HCFC1: variants seen among roughly 807,000 people sequenced by gnomAD.
HCFC1 encodes the protein host cell factor C1.
A neutral mutation model predicts 105.5 loss-of-function variants in HCFC1; 7 were observed. That is an observed-to-expected ratio of 0.07 (90% CI 0.04 to 0.12). The LOEUF is 0.12. HCFC1 is among the 10% of genes least tolerant of loss of function. HCFC1 has a pLI of 1.00. For missense variants in HCFC1, 1,065 were observed against 1,823.6 expected (o/e 0.58, Z 7.58); for synonymous variants, 918 against 828.1 (o/e 1.11, Z -1.86).
At chrX:153,957,215 G>A in intron 13 of HCFC1, 99 bp downstream of exon 13, 2 of 980,796 alleles carry the variant, frequency 2.0e-6, no homozygotes, top group South Asian at 2.2e-5. Flanking sequence ...AGATAGAAAA[G>A]GGTAAACTAA....
At chrX:153,968,612 A>T (rs2065494816) in intron 1 of HCFC1, among the ~76,000 whole-genome samples, 1 of 112,493 alleles carries the variant, frequency 8.9e-6, no homozygotes, top group Non-Finnish European at 1.9e-5. Flanking sequence ...CTAATGCACA[A>T]CCTGTCTTTG....
chrX:153,969,680 G>A (rs1319829198), intron 1 of HCFC1: 2 of 113,080 alleles, frequency 1.8e-5, no homozygotes, highest in African/African-American at 6.4e-5. Context: ...AAGGCTACTA[G>A]GCAGAGGCAA....
intron 1 of HCFC1, among the ~76,000 whole-genome samples, chrX:153,969,120 T>TG (rs1452829906): frequency 9.0e-6 from 1 of 111,113 alleles, no homozygotes; most frequent in Admixed American, 9.4e-5. Context: ...CTTTCTGCCT[T>TG]GGGGGGTGGG....
In HCFC1 at chrX:153,948,811, G is replaced by A. The variant is rs1248617939; in HGVS notation, c.*536C>T. 8.9e-6 allele frequency: 1 copy of A among 112,510 alleles called. No individual in the cohort carries two copies. The highest frequency in any genetic ancestry group is 1.9e-5 in the Non-Finnish European group (1 of 53,248). 9.3% of individuals were successfully genotyped at this position (112,510 alleles called of 1,213,427 possible). Reference sequence around the variant, plus strand: ...GGAGCACAAAGGCCTCTGAGAAAATGTGTAAGCTTCCTGTGGGGTCACTGA... The same window carrying A: ...GGAGCACAAAGGCCTCTGAGAAAATATGTAAGCTTCCTGTGGGGTCACTGA... On this transcript the variant is annotated 3_prime_UTR_variant, in exon 26 of 26. Transcript: ENST00000310441.
intron 10 of HCFC1, 67 bp from the exon 11 acceptor site, chrX:153,958,316 C>T: frequency 2.3e-6 from 2 of 888,417 alleles, no homozygotes; most frequent in Non-Finnish European, 3.2e-6. Context: ...CCAAGATGTC[C>T]ACGGTGGGCC....
At position 153,954,135 on chromosome X, in the gene HCFC1, A is replaced by G; in HGVS notation, c.4264T>C (p.Cys1422Arg). ...GTGGTGCCCGTCTCGTGGGTCTCAC[A>G]GGGGGGGTTGGAGCACACCCTCTGT... Reference protein sequence around the residue: ...PTQRVCSNPPCETHETGTTHT... With the variant: ...PTQRVCSNPPRETHETGTTHT... Residue 1422 changes from cysteine (C) to arginine (R), a missense_variant, in exon 17 of 26, where the codon TGT becomes CGT. Physicochemically the swap from Cys to Arg is radical, Grantham distance 180. This residue lies in a region of HCFC1 where 546 missense variants were observed against 599.9 expected (regional missense o/e 0.91). Coordinates refer to ENST00000310441, the MANE Select transcript of HCFC1 (RefSeq NM_005334.3). 5 of 1,209,428 alleles carry G rather than the reference A, an allele frequency of 4.1e-6. No homozygotes were observed. Among genetic ancestry groups the G allele is most frequent in the Non-Finnish European group, 5.6e-6 (5 of 894,373 alleles).
rs373909700 is a variant in HCFC1 at position 153,958,063 on chromosome X, C to G, written c.1990G>C (p.Val664Leu). The change falls in exon 11 of 26, where the codon GTG (valine) becomes CTG (leucine). Residue 664 changes from valine (V) to leucine (L), a missense_variant. This residue lies in a region of HCFC1 where 137 missense variants were observed against 378.2 expected (regional missense o/e 0.36). Transcript: ENST00000310441. ...CCTGGGACAGAGATGGGGCTCTTCA[C>G]CAGGGTGATGGTCTTGGTGACCCCG... ...VGGVTKTITL[V>L]KSPISVPGGS... 4 of 1,211,873 alleles carry G rather than the reference C, an allele frequency of 3.3e-6. No individual in the cohort carries two copies. The highest frequency in any genetic ancestry group is 1.1e-6 in the Non-Finnish European group (1 of 895,377).
intron 22 of HCFC1, 140 bp downstream of exon 22, chrX:153,951,210 G>A: frequency 2.7e-6 from 2 of 729,081 alleles, no homozygotes; most frequent in Admixed American, 2.5e-5. Context: ...GCTTCAGGGG[G>A]GATGGTCTCT....
In HCFC1 at chrX:153,956,340, T is replaced by C; in HGVS notation, c.2707A>G (p.Ser903Gly). The C allele has an allele frequency of 8.3e-7, 1 of 1,212,013 alleles. No homozygotes were observed. The highest frequency in any genetic ancestry group is 1.1e-6 in the Non-Finnish European group (1 of 895,395). ...GTGATGGGCGTGGCCAGGGAAGCAC[T>C]AGTGCTGTGGCCCCCCGCCCCGGCA... ...SLAGAGGHST[S>G]ASLATPITTL... Residue 903 changes from serine (S) to glycine (G), a missense_variant, in exon 16 of 26, where the codon AGT becomes GGT. This residue lies in a region of HCFC1 where 137 missense variants were observed against 378.2 expected (regional missense o/e 0.36). Transcript: ENST00000310441.
At chrX:153,959,518 G>A (rs1557116127) in intron 8 of HCFC1, 27 bp from the exon 9 acceptor site, 1 of 1,207,457 alleles carries the variant, frequency 8.3e-7, no homozygotes, top group Middle Eastern at 2.4e-4. Flanking sequence ...CCAGCCGTCA[G>A]CCATCACCTT....
At chrX:153,964,845 C>T (rs1468027484) in intron 1 of HCFC1, 119 bp from the exon 2 acceptor site, 9 of 739,565 alleles carry the variant, frequency 1.2e-5, no homozygotes, top group African/African-American at 2.2e-5. Flanking sequence ...TCCCTGCGGG[C>T]GCTCTAGCAA....
chrX:153,955,666 C>T (rs1416591279), intron 16 of HCFC1, 124 bp from the exon 17 acceptor site: 17 of 680,530 alleles, frequency 2.5e-5, no homozygotes, highest in South Asian at 1.5e-4. Context: ...CCCTGGCAGA[C>T]GTAAGACCCA....
At position 153,951,841 on chromosome X, in the gene HCFC1, T is replaced by C; in HGVS notation, c.5260A>G (p.Ser1754Gly). 1.7e-6 allele frequency: 2 copies of C among 1,191,393 alleles called. No individual in the cohort carries two copies. The highest frequency in any genetic ancestry group is 2.3e-6 in the Non-Finnish European group (2 of 883,859). The part of the protein sequence containing the change: ...VALLPSTATE[S>G]LAPSNTFVAP... The stretch of plus-strand genomic sequence containing the variant: ...CACCAATTCGCCCTCAGTCGCTTAC[T>C]CTCAGTGGCCGTTGAGGGCAGCAGC... The change falls in exon 20 of 26, where the codon AGC becomes GGC. Residue 1754 changes from serine to glycine, a missense_variant and splice_region_variant. Around this residue, in one of 17 missense-constraint regions of HCFC1, gnomAD observed 115 missense variants for 143.7 expected, o/e 0.80. Coordinates refer to ENST00000310441, the MANE Select transcript of HCFC1 (RefSeq NM_005334.3).
At chrX:153,949,410 A>G in intron 25 of HCFC1, 24 bp from the exon 26 acceptor site, 1 of 1,199,064 alleles carries the variant, frequency 8.3e-7, no homozygotes, top group Non-Finnish European at 1.1e-6. Flanking sequence ...AAAAGGAAAG[A>G]GAAAGTTAGT....
intron 24 of HCFC1, 110 bp downstream of exon 24, chrX:153,950,133 C>T (rs2065296500): frequency 3.6e-6 from 3 of 829,143 alleles, no homozygotes; most frequent in Non-Finnish European, 5.0e-6. Flanking sequence ...CCAAAGGAAG[C>T]AGGGAGACGC....
chrX:153,956,614 T>C lies in HCFC1; in HGVS notation c.2635+11A>G. ...TAGGGGTGGCAGGGGACCTGGCCTA[T>C]GGGTACACACCTGTGGTGCCTTTCA... On this transcript the variant is annotated intron_variant, in intron 15 of 25. Transcript: ENST00000310441. 1.7e-6 allele frequency: 2 copies of C among 1,211,500 alleles called. No homozygotes were observed. The highest frequency in any genetic ancestry group is 2.2e-6 in the Non-Finnish European group (2 of 895,204).
chrX:153,950,686 A>G, intron 23 of HCFC1, 127 bp downstream of exon 23: 1 of 859,935 alleles, frequency 1.2e-6, no homozygotes, highest in Admixed American at 2.9e-5. Flanking sequence ...ATCTTCCCCC[A>G]AGTGGAAGGA....
intron 9 of HCFC1, among the ~76,000 whole-genome samples, 198 bp downstream of exon 9, chrX:153,959,133 G>C (rs868909961): frequency 2.7e-5 from 3 of 113,150 alleles, no homozygotes; most frequent in South Asian, 3.6e-4. Flanking sequence ...CAGGCAGCAG[G>C]TTAGGCCTTC....
At position 153,949,627 on chromosome X, in the gene HCFC1, C is replaced by A; in HGVS notation, c.6005-11G>T. 1 of 1,198,700 alleles carries A rather than the reference C, an allele frequency of 8.3e-7. No homozygotes were observed. The highest frequency in any genetic ancestry group is 1.8e-5 in the South Asian group (1 of 56,704). On this transcript the variant is annotated splice_polypyrimidine_tract_variant and intron_variant, in intron 24 of 25. Transcript: ENST00000310441. ...TGTCTTTACTGGTTTCTGGAAGGAA[C>A]GGGAGAGATGCGTGAGCAGCATTGT... is the stretch of plus-strand genomic sequence containing the variant.
Sources: gnomAD v4.1 joint callset for allele counts (sites outside exome capture counted in the v4.1 genomes callset) on GRCh38, gnomAD v4.1.1 for gene constraint, gnomAD v4.1.1 regional missense constraint, MANE v1.5 for transcripts, NCBI Gene and HGNC (gene_info 2026-07-23, HGNC 2026-07-21) for gene names.